Variants in FBXW7 observed in about 807,000 individuals in gnomAD.
FBXW7 encodes F-box and WD repeat domain containing 7, also known as F-box/WD repeat-containing protein 7.
A neutral mutation model predicts 86.3 loss-of-function variants in FBXW7; 11 were observed. That is an observed-to-expected ratio of 0.13 (90% CI 0.08 to 0.21). FBXW7 has a LOEUF of 0.21. Among genes scored for constraint, FBXW7 ranks in the 10% least tolerant of loss-of-function variants. FBXW7 has a pLI of 1.00. For missense variants in FBXW7, 488 were observed against 847.4 expected, an observed-to-expected ratio of 0.58 and a Z score of 5.27; for synonymous variants, 313 against 297.9, an observed-to-expected ratio of 1.05 and a Z score of -0.52.
Position 152,322,917 on chromosome 4 carries a change from C to T in FBXW7, c.2088G>A (p.Lys696=), listed in dbSNP as rs778848147. Residue 696 remains lysine, a synonymous_variant, in exon 14 of 14, where the codon AAG becomes AAA. Coordinates refer to ENST00000281708, the MANE Select transcript of FBXW7 (RefSeq NM_001349798.2). Reference sequence around the variant, plus strand: ...CCACATCAAAGTCCAGCACCAGCAGCTTGGTTTCTTCAGTCCCATTCCGAC... The same window carrying T: ...CCACATCAAAGTCCAGCACCAGCAGTTTGGTTTCTTCAGTCCCATTCCGAC... ...VGSRNGTEET[K]LLVLDFDVDM... 2 of 1,613,746 alleles carry T rather than the reference C, an allele frequency of 1.2e-6. No individual in the cohort carries two copies. The highest frequency in any genetic ancestry group is 8.5e-7 in the Non-Finnish European group (1 of 1,179,780).
intron 2 of FBXW7, among the ~76,000 whole-genome samples, chr4:152,470,193 T>C (rs1207396054): frequency 6.6e-6 from 1 of 152,062 alleles, no homozygotes; most frequent in Non-Finnish European, 1.5e-5. Context: ...TTAAATTTTA[T>C]AGGTAATATA....
rs1041284739 is a variant in FBXW7 at position 152,535,886 on chromosome 4, G to A, written c.-972C>T. 11 of 373,570 alleles carry A rather than the reference G, an allele frequency of 2.9e-5. No individual in the cohort carries two copies. The highest frequency in any genetic ancestry group is 4.8e-6 in the Non-Finnish European group (1 of 209,950). 23.1% of individuals were successfully genotyped at this position (373,570 alleles called of 1,614,324 possible). On this transcript the variant is annotated 5_prime_UTR_variant, in exon 1 of 14. Coordinates refer to ENST00000281708, the MANE Select transcript of FBXW7 (RefSeq NM_001349798.2). ...GCCGCTGCCGGCCGGGAAGGTGAGG[G>A]GGGGAAAGGAGTGCGGCCGCGGCTC...
Position 152,440,449 on chromosome 4 carries a change from T to G in FBXW7, c.-119-27920A>C, listed in dbSNP as rs187563322. ...TTGACTTCAGCATTCAAATTTCTGT[T>G]GACAACATGTGTTTAAGATGATTCT... On this transcript the variant is annotated intron_variant, in intron 2 of 13. Coordinates refer to ENST00000281708, the MANE Select transcript of FBXW7 (RefSeq NM_001349798.2). Among the ~76,000 whole-genome samples, 24 of 152,312 alleles carry G rather than the reference T, an allele frequency of 1.6e-4. No homozygotes were observed. The East Asian group carries it at 1.9e-3, about 12-fold the overall frequency.
rs771086204 is a variant in FBXW7 at position 152,396,271 on chromosome 4, A to G, written c.501+15032T>C. On this transcript the variant is annotated intron_variant, in intron 4 of 13. Transcript: ENST00000281708. ...TCTCTTACCCTTTATAAAATAATAC[A>G]TATCCTCAATTCTGCACTTGCCCCC... Among the ~76,000 whole-genome samples, 10 of 152,098 alleles carry G rather than the reference A, an allele frequency of 6.6e-5. No individual in the cohort carries two copies. The South Asian group carries it at 1.7e-3, about 25-fold the overall frequency.
chr4:152,510,071 G>A (rs1747815558), intron 2 of FBXW7, among the ~76,000 whole-genome samples: 1 of 152,160 alleles, frequency 6.6e-6, no homozygotes, highest in South Asian at 2.1e-4. Flanking sequence ...ATTCTCAACA[G>A]TGATGACTGG....
At chr4:152,372,004 T>C (rs1158496890) in intron 4 of FBXW7, among the ~76,000 whole-genome samples, 3 of 151,904 alleles carry the variant, frequency 2.0e-5, no homozygotes, top group African/African-American at 7.2e-5. Flanking sequence ...AAAATTAATT[T>C]TGTGGTGTTA....
At chr4:152,346,361 G>A (rs190640110) in intron 6 of FBXW7, among the ~76,000 whole-genome samples, 1 of 152,020 alleles carries the variant, frequency 6.6e-6, no homozygotes, top group Non-Finnish European at 1.5e-5. Flanking sequence ...TAGAAAACTA[G>A]ACAACCCAGA....
chr4:152,493,561 G>A (rs1425701330), intron 2 of FBXW7, among the ~76,000 whole-genome samples: 7 of 152,106 alleles, frequency 4.6e-5, no homozygotes, highest in Non-Finnish European at 7.4e-5. Context: ...CCCCCAGTAC[G>A]TCAGAACACG....
chr4:152,365,173 C>T (rs986461968), intron 4 of FBXW7, among the ~76,000 whole-genome samples: 9 of 152,060 alleles, frequency 5.9e-5, no homozygotes, highest in African/African-American at 2.2e-4. Flanking sequence ...GGAGGGATAA[C>T]CACCTATAGC....
At chr4:152,400,264 C>T (rs1359128343) in intron 4 of FBXW7, among the ~76,000 whole-genome samples, 1 of 152,184 alleles carries the variant, frequency 6.6e-6, no homozygotes, top group Admixed American at 6.5e-5. Context: ...AAAGGCCTTA[C>T]AACCTTCACA....
rs369745850 is a variant in FBXW7, at chr4:152,451,586, GAGC to G, written c.-119-39060_-119-39058del. 136 of 152,134 alleles carry G rather than the reference GAGC, an allele frequency of 8.9e-4. 1 individual carries two copies. The highest frequency in any genetic ancestry group is 3.2e-3 in the African/African-American group (132 of 41,502). The allele number at this position is 152,134 out of a possible 1,614,324, so 9.4% of individuals were successfully genotyped here. ...AGACTGCTTGAGCCCAGGAGTATGA[GAGC>G]AGCCTGGGCAACATGGTAAACCCTG... is the stretch of plus-strand genomic sequence containing the variant. On this transcript the variant is annotated intron_variant, in intron 2 of 13. Coordinates refer to ENST00000281708, the MANE Select transcript of FBXW7 (RefSeq NM_001349798.2).
chr4:152,436,007 G>C (rs1177534223), intron 2 of FBXW7, among the ~76,000 whole-genome samples: 1 of 152,100 alleles, frequency 6.6e-6, no homozygotes, highest in Admixed American at 6.5e-5. Flanking sequence ...ACACCAACCA[G>C]CCATTCCCCC....
chr4:152,434,458 GATA>G (rs1056452918), intron 2 of FBXW7, among the ~76,000 whole-genome samples: 2 of 152,144 alleles, frequency 1.3e-5, no homozygotes, highest in Non-Finnish European at 2.9e-5. Flanking sequence ...ATATAAAAAA[GATA>G]ATATGTTCAT....
At chr4:152,395,552 AT>A (rs1436949310) in intron 4 of FBXW7, among the ~76,000 whole-genome samples, 1 of 152,094 alleles carries the variant, frequency 6.6e-6, no homozygotes, top group East Asian at 1.9e-4. Context: ...TTTCTTTAAA[AT>A]GAGGTCAATT....
chr4:152,517,311 T>A (rs565032537), intron 2 of FBXW7, among the ~76,000 whole-genome samples: 13 of 152,144 alleles, frequency 8.5e-5, no homozygotes, highest in Non-Finnish European at 8.8e-5. Context: ...CTCGACTATT[T>A]AAAAAAAGGA....
At chr4:152,333,344 T>C (rs913975599) in intron 7 of FBXW7, among the ~76,000 whole-genome samples, 4 of 152,146 alleles carry the variant, frequency 2.6e-5, no homozygotes, top group African/African-American at 7.2e-5. Context: ...ATCTTCTTGA[T>C]GGGCCACATA....
chr4:152,394,094 A>G (rs1736214862), intron 4 of FBXW7, among the ~76,000 whole-genome samples: 2 of 152,242 alleles, frequency 1.3e-5, no homozygotes, highest in Non-Finnish European at 1.5e-5. Context: ...AGTGTTCTCT[A>G]AAATGTATCC....
intron 4 of FBXW7, among the ~76,000 whole-genome samples, chr4:152,376,965 C>T (rs755876930): frequency 1.3e-5 from 2 of 151,584 alleles, no homozygotes; most frequent in African/African-American, 4.9e-5. Context: ...AAAGGGATTA[C>T]ACAAAAAATT....
intron 4 of FBXW7, among the ~76,000 whole-genome samples, chr4:152,394,405 T>C (rs1357998880): frequency 1.3e-5 from 2 of 152,116 alleles, no homozygotes; most frequent in African/African-American, 2.4e-5. Context: ...GTAGGTTCTT[T>C]TACAAATTCC....
Sources: allele counts gnomAD v4.1 joint callset (sites outside exome capture counted in the v4.1 genomes callset), GRCh38; gene constraint gnomAD v4.1.1; transcripts MANE v1.5; gene names NCBI Gene and HGNC (gene_info 2026-07-23, HGNC 2026-07-21).